PRKD1: variants seen among roughly 807,000 people sequenced by gnomAD.
PRKD1 encodes serine/threonine-protein kinase D1.
A neutral mutation model predicts 95.9 loss-of-function variants in PRKD1; 63 were observed. That is an observed-to-expected ratio of 0.66 (90% CI 0.54 to 0.81). The LOEUF (loss-of-function observed/expected upper bound fraction) is 0.81, where lower values mean the gene tolerates loss of function less well. Among genes scored for constraint, PRKD1 ranks in the 30% least tolerant of loss-of-function variants. PRKD1 has a pLI of 0.00. For missense variants in PRKD1, 1,048 were observed against 1,165.3 expected, an observed-to-expected ratio of 0.90 and a Z score of 1.47; for synonymous variants, 425 against 423.1, an observed-to-expected ratio of 1.00 and a Z score of -0.05.
At chr14:29,729,021 G>C (rs1046853629) in intron 1 of PRKD1, among the ~76,000 whole-genome samples, 1 of 152,134 alleles carries the variant, frequency 6.6e-6, no homozygotes, top group Admixed American at 6.5e-5. Context: ...ACAAAAAGTT[G>C]TGAATTTATA....
At chr14:29,921,560 T>C (rs1203165030) in intron 1 of PRKD1, among the ~76,000 whole-genome samples, 3 of 152,200 alleles carry the variant, frequency 2.0e-5, no homozygotes, top group Non-Finnish European at 2.9e-5. Flanking sequence ...GTCACAAATA[T>C]ACATTCATTG....
At chr14:29,821,900 C>A (rs566771478) in intron 1 of PRKD1, among the ~76,000 whole-genome samples, 3 of 151,962 alleles carry the variant, frequency 2.0e-5, no homozygotes, top group Non-Finnish European at 4.4e-5. Context: ...CTCAAGCAGA[C>A]AGACTCCACA....
chr14:29,577,908 C>T (rs558407742), intron 17 of PRKD1, among the ~76,000 whole-genome samples: 34 of 152,154 alleles, frequency 2.2e-4, no homozygotes, highest in African/African-American at 6.5e-4. Context: ...CAGTGCATGA[C>T]CAGATGGGCA....
chr14:29,773,862 G>A lies in PRKD1; in HGVS notation c.265-48188C>T, dbSNP rs183161733. On this transcript the variant is annotated intron_variant, in intron 1 of 17. Coordinates refer to ENST00000331968, the MANE Select transcript of PRKD1 (RefSeq NM_002742.3). ...GGACCATTTGTTAATAAAAATAAGCGATTATGATCAGTAGTGAGTGTGACA... is the reference window on the plus strand; with the variant it reads ...GGACCATTTGTTAATAAAAATAAGCAATTATGATCAGTAGTGAGTGTGACA... Among the ~76,000 whole-genome samples, 10 of 152,298 alleles carry A rather than the reference G, an allele frequency of 6.6e-5. No individual in the cohort carries two copies. In the East Asian group the frequency reaches 1.5e-3, roughly 24 times the overall value.
At chr14:29,777,663 A>G (rs961410747) in intron 1 of PRKD1, among the ~76,000 whole-genome samples, 18 of 152,178 alleles carry the variant, frequency 1.2e-4, no homozygotes, top group African/African-American at 3.4e-4. Flanking sequence ...AGAGACCTAC[A>G]AAGAGACTTA....
intron 1 of PRKD1, among the ~76,000 whole-genome samples, chr14:29,766,752 A>G (rs182932579): frequency 6.6e-6 from 1 of 152,324 alleles, no homozygotes; most frequent in East Asian, 1.9e-4. Flanking sequence ...AAAATGAGAT[A>G]TTCATAATGT....
chr14:29,789,688 C>G (rs1185645221), intron 1 of PRKD1, among the ~76,000 whole-genome samples: 1 of 152,066 alleles, frequency 6.6e-6, no homozygotes, highest in Non-Finnish European at 1.5e-5. Flanking sequence ...TGCACATGGG[C>G]CCATCTTTAC....
chr14:29,711,374 C>T (rs374694012), intron 2 of PRKD1, among the ~76,000 whole-genome samples: 1 of 152,044 alleles, frequency 6.6e-6, no homozygotes, highest in Non-Finnish European at 1.5e-5. Context: ...GTAGTTAAGA[C>T]AGCAATTGAC....
intron 1 of PRKD1, among the ~76,000 whole-genome samples, chr14:29,853,048 G>T (rs1285728285): frequency 6.6e-6 from 1 of 152,078 alleles, no homozygotes; most frequent in African/African-American, 2.4e-5. Context: ...AAAAAAGATA[G>T]TTCATATAAA....
At chr14:29,835,356 T>C (rs576902707) in intron 1 of PRKD1, among the ~76,000 whole-genome samples, 149 of 152,284 alleles carry the variant, frequency 9.8e-4, no homozygotes, top group African/African-American at 3.5e-3. Flanking sequence ...TGCTTTCTCA[T>C]GGGGTAAAAA....
At chr14:29,763,075 G>A (rs1888074187) in intron 1 of PRKD1, among the ~76,000 whole-genome samples, 1 of 123,514 alleles carries the variant, frequency 8.1e-6, no homozygotes, top group African/African-American at 3.2e-5. Context: ...TAAATAAGAA[G>A]CACAGGAGTT....
At chr14:29,748,236 T>C (rs1351830892) in intron 1 of PRKD1, among the ~76,000 whole-genome samples, 1 of 152,098 alleles carries the variant, frequency 6.6e-6, no homozygotes, top group Non-Finnish European at 1.5e-5. Context: ...TTCAAAATAT[T>C]TGGGGAAAAA....
At chr14:29,851,735 T>G (rs1892314597) in intron 1 of PRKD1, among the ~76,000 whole-genome samples, 1 of 152,168 alleles carries the variant, frequency 6.6e-6, no homozygotes, top group Non-Finnish European at 1.5e-5. Context: ...TTACTGGATC[T>G]GTAAACCCCA....
At chr14:29,837,923 T>TA (rs1356666197) in intron 1 of PRKD1, among the ~76,000 whole-genome samples, 2 of 152,216 alleles carry the variant, frequency 1.3e-5, no homozygotes, top group Non-Finnish European at 2.9e-5. Context: ...ACTCCATCAG[T>TA]ACCAATTTTG....
At chr14:29,853,053 T>C (rs1247910136) in intron 1 of PRKD1, among the ~76,000 whole-genome samples, 3 of 152,172 alleles carry the variant, frequency 2.0e-5, no homozygotes, top group African/African-American at 7.2e-5. Context: ...AGATAGTTCA[T>C]ATAAATCATA....
chr14:29,593,415 T>G (rs1893197384), intron 16 of PRKD1, among the ~76,000 whole-genome samples: 1 of 152,214 alleles, frequency 6.6e-6, no homozygotes, highest in Admixed American at 6.5e-5. Flanking sequence ...AGGAACTTCC[T>G]TCTTCCACCT....
rs189578466 is a variant in PRKD1, at chr14:29,682,098, C to T, written c.404-15890G>A. On this transcript the variant is annotated intron_variant, in intron 2 of 17. Coordinates refer to ENST00000331968, the MANE Select transcript of PRKD1 (RefSeq NM_002742.3). ...TGGATGATTGCACATAATTTGATATCGACTGAATCATAAAGTGTATGTGTC... is the reference window on the plus strand; with the variant it reads ...TGGATGATTGCACATAATTTGATATTGACTGAATCATAAAGTGTATGTGTC... Among the ~76,000 whole-genome samples, 200 of 152,218 alleles carry T rather than the reference C, an allele frequency of 1.3e-3. 1 individual carries two copies. The highest frequency in any genetic ancestry group is 4.1e-3 in the African/African-American group (172 of 41,544).
intron 1 of PRKD1, among the ~76,000 whole-genome samples, chr14:29,740,364 A>G (rs1196067496): frequency 1.3e-5 from 2 of 152,234 alleles, no homozygotes; most frequent in Non-Finnish European, 2.9e-5. Context: ...AAGTTTAACC[A>G]AAAGTTAAGA....
At chr14:29,902,687 A>G (rs1452656651) in intron 1 of PRKD1, among the ~76,000 whole-genome samples, 1 of 152,226 alleles carries the variant, frequency 6.6e-6, no homozygotes. Context: ...ACAAAATGAA[A>G]TCTGTACCCA....
Sources: gnomAD v4.1 joint callset for allele counts (sites outside exome capture counted in the v4.1 genomes callset) on GRCh38, gnomAD v4.1.1 for gene constraint, MANE v1.5 for transcripts, NCBI Gene and HGNC (gene_info 2026-07-23, HGNC 2026-07-21) for gene names.